SLC7A2: variants seen among roughly 807,000 people sequenced by gnomAD.
The protein encoded by SLC7A2 is cationic amino acid transporter 2.
Under a neutral mutation model 58.9 loss-of-function variants are expected in SLC7A2, and 48 were observed. The ratio of observed to expected loss-of-function variants is 0.82; its 90% confidence interval spans 0.65 to 1.04. The LOEUF is 1.04. SLC7A2 is among the 50% of genes least tolerant of loss of function. SLC7A2 has a pLI of 0.00. For synonymous variants in SLC7A2, 363 were observed against 314.5 expected, an observed-to-expected ratio of 1.15 and a Z score of -1.63; for missense variants, 1,029 against 818.8, an observed-to-expected ratio of 1.26 and a Z score of -3.13.
At chr8:17,505,317 A>T (rs1445696934) in intron 2 of SLC7A2, among the ~76,000 whole-genome samples, 1 of 152,162 alleles carries the variant, frequency 6.6e-6, no homozygotes, top group Non-Finnish European at 1.5e-5. Context: ...GAATCCTGTG[A>T]GCAGGATGGG....
chr8:17,523,775 A>G (rs563493867), intron 2 of SLC7A2, among the ~76,000 whole-genome samples: 1 of 152,362 alleles, frequency 6.6e-6, no homozygotes, highest in African/African-American at 2.4e-5. Flanking sequence ...ACTTAATTAA[A>G]CTAAAAAGCT....
chr8:17,513,963 T>C (rs1461010495), intron 2 of SLC7A2, among the ~76,000 whole-genome samples: 1 of 152,248 alleles, frequency 6.6e-6, no homozygotes, highest in East Asian at 1.9e-4. Flanking sequence ...TTATATTCTA[T>C]ATTCATGTGT....
chr8:17,507,401 CGGG>C (rs544517926), intron 2 of SLC7A2, among the ~76,000 whole-genome samples: 7 of 151,462 alleles, frequency 4.6e-5, no homozygotes, highest in Non-Finnish European at 8.8e-5. Flanking sequence ...TGTGTGGAGA[CGGG>C]GGTCTCACTG....
At chr8:17,529,597 C>G (rs927343276) in intron 2 of SLC7A2, among the ~76,000 whole-genome samples, 1 of 149,520 alleles carries the variant, frequency 6.7e-6, no homozygotes, top group Non-Finnish European at 1.5e-5. Flanking sequence ...GTGATGTGAT[C>G]TTGGCCCACT....
intron 2 of SLC7A2, among the ~76,000 whole-genome samples, chr8:17,541,484 G>A (rs527861692): frequency 2.0e-5 from 3 of 152,314 alleles, no homozygotes; most frequent in African/African-American, 7.2e-5. Context: ...AGATACTGAA[G>A]ATGTGTGAAA....
intron 2 of SLC7A2, among the ~76,000 whole-genome samples, chr8:17,503,046 A>G (rs1344223219): frequency 6.6e-6 from 1 of 151,688 alleles, no homozygotes; most frequent in Non-Finnish European, 1.5e-5. Flanking sequence ...CTCTATTTCT[A>G]TTTATTTTAT....
At chr8:17,503,452 C>T (rs1302765058) in intron 2 of SLC7A2, among the ~76,000 whole-genome samples, 3 of 152,134 alleles carry the variant, frequency 2.0e-5, no homozygotes, top group African/African-American at 4.8e-5. Context: ...TTCACTCCCG[C>T]GGTGTTCCTT....
chr8:17,510,841 G>A (rs550754045), intron 2 of SLC7A2: 3 of 152,274 alleles, frequency 2.0e-5, no homozygotes, highest in African/African-American at 7.2e-5. Context: ...GCAAAGACAT[G>A]GAACCAACCC....
chr8:17,563,655 T>G lies in SLC7A2; in HGVS notation c.1724T>G (p.Leu575Trp). 6.2e-7 allele frequency: 1 copy of G among 1,613,756 alleles called. No homozygotes were observed. ...PAFSILVNIY[L>W]MVQLSADTWV... ...TTCAGCATCTTGGTGAACATTTACT[T>G]GATGGTCCAGTTAAGTGCAGACACT... Residue 575 changes from leucine to tryptophan, a missense_variant, in exon 12 of 13, where the codon TTG (leucine) becomes TGG (tryptophan). Coordinates refer to ENST00000494857, the MANE Select transcript of SLC7A2 (RefSeq NM_001370338.1).
chr8:17,502,237 C>G lies in SLC7A2; in HGVS notation c.-68-20C>G, dbSNP rs1373924790. 5.9e-5 allele frequency: 9 copies of G among 152,058 alleles called. No individual in the cohort carries two copies. The East Asian group carries it at 1.7e-3, about 29-fold the overall frequency. 9.4% of individuals were successfully genotyped at this position (152,058 alleles called of 1,614,324 possible). A position where few individuals can be genotyped will look rare whatever the true frequency, so the allele number is the denominator to read the frequency against. ...TCACATGAGTCCTTTAGTTATCACT[C>G]CCATCATTGCTTCTCCCAGCAGGAG... is the stretch of plus-strand genomic sequence containing the variant. On this transcript the variant is annotated intron_variant, in intron 1 of 12. Transcript: ENST00000494857.
At chr8:17,564,157 G>A (rs532070095) in intron 12 of SLC7A2, among the ~76,000 whole-genome samples, 3 of 152,198 alleles carry the variant, frequency 2.0e-5, no homozygotes, top group Non-Finnish European at 4.4e-5. Flanking sequence ...ACAGTGACAC[G>A]TGTAAAGCAT....
intron 2 of SLC7A2, among the ~76,000 whole-genome samples, chr8:17,541,421 C>T (rs965898196): frequency 6.6e-6 from 1 of 152,162 alleles, no homozygotes; most frequent in Non-Finnish European, 1.5e-5. Context: ...GCAGATTTTC[C>T]CATAAGCATT....
At chr8:17,552,487 G>A (rs1297869936) in intron 7 of SLC7A2, among the ~76,000 whole-genome samples, 1 of 152,100 alleles carries the variant, frequency 6.6e-6, no homozygotes, top group African/African-American at 2.4e-5. Context: ...GCTTTTTATT[G>A]TGAAACATGG....
chr8:17,551,465 C>T (rs1315333069), intron 6 of SLC7A2, among the ~76,000 whole-genome samples: 9 of 152,116 alleles, frequency 5.9e-5, no homozygotes, highest in Non-Finnish European at 1.0e-4. Context: ...GGTGTGGTGG[C>T]GCACACCCGT....
At chr8:17,533,248 CT>C (rs545676636) in intron 2 of SLC7A2, among the ~76,000 whole-genome samples, 39 of 152,212 alleles carry the variant, frequency 2.6e-4, no homozygotes, top group Non-Finnish European at 5.6e-4. Context: ...AAAATCTATG[CT>C]CATACATTGT....
chr8:17,554,999 A>C, intron 8 of SLC7A2: 1 of 1,613,876 alleles, frequency 6.2e-7, no homozygotes, highest in East Asian at 2.2e-5. Flanking sequence ...ATGGCCCGGG[A>C]TGGCTTACTG....
intron 4 of SLC7A2, among the ~76,000 whole-genome samples, chr8:17,546,410 A>G (rs1034170657): frequency 1.3e-5 from 2 of 152,222 alleles, no homozygotes; most frequent in Non-Finnish European, 2.9e-5. Context: ...TCGTAACACC[A>G]AATGTCTTTT....
chr8:17,500,083 G>A (rs539419092), intron 1 of SLC7A2: 4 of 152,176 alleles, frequency 2.6e-5, no homozygotes, highest in Admixed American at 6.5e-5. Context: ...GTGTAACTCC[G>A]GTTTTAGAGG....
chr8:17,505,794 T>A (rs1469358390), intron 2 of SLC7A2, among the ~76,000 whole-genome samples: 4 of 152,192 alleles, frequency 2.6e-5, no homozygotes, highest in African/African-American at 9.7e-5. Flanking sequence ...ACGGATATTC[T>A]TGTAGAAATC....
Sources: gnomAD v4.1 joint callset for allele counts (sites outside exome capture counted in the v4.1 genomes callset) on GRCh38, gnomAD v4.1.1 for gene constraint, MANE v1.5 for transcripts, NCBI Gene and HGNC (gene_info 2026-07-23, HGNC 2026-07-21) for gene names.